The following LCP2 variants were observed in gnomAD, a reference collection of about 807,000 sequenced individuals.
LCP2 encodes the protein lymphocyte cytosolic protein 2.
A neutral mutation model predicts 74.5 loss-of-function variants in LCP2; 29 were observed. That is an observed-to-expected ratio of 0.39 (90% CI 0.29 to 0.53). The LOEUF (loss-of-function observed/expected upper bound fraction) is 0.53, where lower values mean the gene tolerates loss of function less well. LCP2 is among the 20% of genes least tolerant of loss of function. The pLI is 0.72. For synonymous variants in LCP2, 228 were observed against 229.5 expected (o/e 0.99, Z 0.06); for missense variants, 604 against 634.6 (o/e 0.95, Z 0.52).
At chr5:170,283,561 C>A (rs533097495) in intron 3 of LCP2, among the ~76,000 whole-genome samples, 1 of 152,310 alleles carries the variant, frequency 6.6e-6, no homozygotes, top group South Asian at 2.1e-4. Flanking sequence ...CCCAGCTGGG[C>A]TGTCCTCCAA....
intron 3 of LCP2, among the ~76,000 whole-genome samples, chr5:170,285,193 T>G (rs938909625): frequency 1.3e-5 from 2 of 152,264 alleles, no homozygotes; most frequent in African/African-American, 4.8e-5. Context: ...GCAGTGTATT[T>G]CTAATCTCAG....
At chr5:170,266,652 C>T (rs540369405) in intron 10 of LCP2, among the ~76,000 whole-genome samples, 156 bp downstream of exon 10, 2 of 152,310 alleles carry the variant, frequency 1.3e-5, no homozygotes, top group African/African-American at 4.8e-5. Flanking sequence ...TTTGTGTCTC[C>T]GTTTCCTTAT....
At chr5:170,269,588 G>T (rs1291324378) in intron 7 of LCP2, among the ~76,000 whole-genome samples, 1 of 152,196 alleles carries the variant, frequency 6.6e-6, no homozygotes, top group African/African-American at 2.4e-5. Flanking sequence ...TGGCCAACTT[G>T]TATTTATCCT....
chr5:170,273,095 T>A (rs1440880152), intron 6 of LCP2, among the ~76,000 whole-genome samples: 4 of 151,522 alleles, frequency 2.6e-5, no homozygotes, highest in African/African-American at 9.7e-5. Context: ...AAATGGGGTA[T>A]CCATACTGTA....
rs1032788824 is a variant in LCP2 at position 170,267,008 on chromosome 5, C to T, written c.688+1G>A. On this transcript the variant is annotated splice_donor_variant, in intron 9 of 20. Transcript: ENST00000046794. LOFTEE classifies it high-confidence loss of function. Reference sequence around the variant, plus strand: ...CAAGAGAGAGCAGCCCTTGTACTCACGCTTTGCCGTTTTGTGGTTTCTGCT... The same window carrying T: ...CAAGAGAGAGCAGCCCTTGTACTCATGCTTTGCCGTTTTGTGGTTTCTGCT... The T allele has an allele frequency of 1.9e-6, 3 of 1,613,794 alleles. No homozygotes were observed. Among genetic ancestry groups the T allele is most frequent in the Non-Finnish European group, 2.5e-6 (3 of 1,179,876 alleles).
chr5:170,282,417 C>T (rs890696865), intron 3 of LCP2, among the ~76,000 whole-genome samples: 1 of 152,206 alleles, frequency 6.6e-6, no homozygotes, highest in African/African-American at 2.4e-5. Flanking sequence ...ATTCCCCACT[C>T]CTGAAAAGTT....
intron 16 of LCP2, 73 bp downstream of exon 16, chr5:170,257,964 G>T: frequency 1.3e-6 from 2 of 1,499,738 alleles, no homozygotes; most frequent in Non-Finnish European, 1.9e-6. Flanking sequence ...TTCTCAATCT[G>T]CCTGGCATTA....
At chr5:170,281,325 G>A (rs1272224642) in intron 3 of LCP2, among the ~76,000 whole-genome samples, 1 of 151,966 alleles carries the variant, frequency 6.6e-6, no homozygotes, top group East Asian at 1.9e-4. Context: ...TGTCCCCCAG[G>A]CTGGAGTGCA....
At chr5:170,253,558 C>T (rs1761493038) in intron 17 of LCP2, among the ~76,000 whole-genome samples, 1 of 152,148 alleles carries the variant, frequency 6.6e-6, no homozygotes. Context: ...AATGAATGCT[C>T]AAGAGACAAA....
intron 2 of LCP2, among the ~76,000 whole-genome samples, chr5:170,291,602 A>T (rs1762297538): frequency 6.6e-6 from 1 of 152,218 alleles, no homozygotes; most frequent in South Asian, 2.1e-4. Context: ...ACCCTGTTCT[A>T]CCAGGCCTGA....
intron 2 of LCP2, among the ~76,000 whole-genome samples, chr5:170,291,983 C>T (rs1762302277): frequency 6.6e-6 from 1 of 152,184 alleles, no homozygotes; most frequent in Admixed American, 6.5e-5. Context: ...AAGTGTATGC[C>T]TTAGTTCAAT....
At chr5:170,294,518 G>A (rs567149967) in intron 1 of LCP2, among the ~76,000 whole-genome samples, 3 of 152,300 alleles carry the variant, frequency 2.0e-5, no homozygotes, top group East Asian at 3.9e-4. Flanking sequence ...TTCTCCTTGA[G>A]GATCCTAGGT....
chr5:170,291,199 C>CAGGAAGGA (rs70979170), intron 2 of LCP2, among the ~76,000 whole-genome samples: 21,761 of 125,536 alleles, frequency 0.17, 2,459 homozygotes, highest in South Asian at 0.29. Context: ...GGAAAGAAGG[C>CAGGAAGGA]AGGAAGGAAG....
intron 10 of LCP2, 143 bp from the exon 11 acceptor site, chr5:170,263,135 C>A: frequency 1.0e-6 from 1 of 972,898 alleles, no homozygotes. Flanking sequence ...AAACTTCAGA[C>A]TAGGAAGGGT....
rs1459623476 is a variant in LCP2, at chr5:170,258,068, A to G, written c.1069T>C (p.Ser357Pro). The G allele has an allele frequency of 1.9e-6, 3 of 1,613,942 alleles. No homozygotes were observed. The highest frequency in any genetic ancestry group is 2.2e-5 in the South Asian group (2 of 91,086). Residue 357 changes from serine (S) to proline (P), a missense_variant, in exon 16 of 21, where the codon TCC becomes CCC. By Grantham distance (74) the Ser-to-Pro change is moderately conservative (BLOSUM62 -1). Coordinates refer to ENST00000046794, the MANE Select transcript of LCP2 (RefSeq NM_005565.5). ...GAGAATGCTCCAGGCATGTGAGAGG[A>G]TGGGAGAGGGTTCATGGGACTTGGC... ...TKPSPMNPLP[S>P]SHMPGAFSES...
At chr5:170,267,899 C>T (rs368871) in intron 8 of LCP2, among the ~76,000 whole-genome samples, 15,350 of 152,124 alleles carry the variant, frequency 0.1, 2,091 homozygotes, top group African/African-American at 0.31. Context: ...CTATCAAGTC[C>T]TTAGTCTGAG....
At chr5:170,272,793 TA>T (rs1761919447) in intron 6 of LCP2, among the ~76,000 whole-genome samples, 1 of 151,594 alleles carries the variant, frequency 6.6e-6, no homozygotes, top group Non-Finnish European at 1.5e-5. Flanking sequence ...TTGTATTTTT[TA>T]GTAGAGATGG....
At chr5:170,289,683 C>CTT (rs1463386508) in intron 2 of LCP2, among the ~76,000 whole-genome samples, 1 of 133,836 alleles carries the variant, frequency 7.5e-6, no homozygotes, top group African/African-American at 2.8e-5. Context: ...CTCTCTCTCT[C>CTT]TCTTTCTTTC....
chr5:170,275,429 G>A lies in LCP2; in HGVS notation c.255-78C>T, dbSNP rs373180221. ...CCCTCTTTCCTCAACCTGGTCCAGC[G>A]AGAGGGAGTCCCCAGTGGAGGGCAT... On this transcript the variant is annotated intron_variant, in intron 4 of 20. Coordinates refer to ENST00000046794, the MANE Select transcript of LCP2 (RefSeq NM_005565.5). 200 of 1,513,026 alleles carry A rather than the reference G, an allele frequency of 1.3e-4. 1 individual carries two copies. The African/African-American group carries it at 1.8e-3, about 14-fold the overall frequency. 93.7% of individuals were successfully genotyped at this position (1,513,026 alleles called of 1,614,324 possible). A position where few individuals can be genotyped will look rare whatever the true frequency, so the allele number is the denominator to read the frequency against.
Sources: gnomAD v4.1 joint callset for allele counts (sites outside exome capture counted in the v4.1 genomes callset) on GRCh38, gnomAD v4.1.1 for gene constraint, MANE v1.5 for transcripts, NCBI Gene and HGNC (gene_info 2026-07-23, HGNC 2026-07-21) for gene names.